Variants in COL4A2 observed in about 807,000 individuals in gnomAD.
COL4A2 encodes collagen type IV alpha 2 chain.
COL4A2 carries 99 observed loss-of-function variants against 200.2 expected under a neutral mutation model. The ratio of observed to expected loss-of-function variants is 0.49; its 90% CI spans 0.42 to 0.58. COL4A2 has a LOEUF of 0.58. COL4A2 is among the 20% of genes least tolerant of loss of function. The probability of loss-of-function intolerance (pLI) is 0.00; values close to 1 mark genes in which losing one functional copy is unlikely to be tolerated. For synonymous variants in COL4A2, 897 were observed against 900.6 expected, an observed-to-expected ratio of 1.00 and a Z score of 0.07; for missense variants, 1,950 against 2,314.1, an observed-to-expected ratio of 0.84 and a Z score of 3.23.
intron 4 of COL4A2, 66 bp downstream of exon 4, chr13:110,357,618 G>T (rs911904383): frequency 6.5e-7 from 1 of 1,545,424 alleles, no homozygotes; most frequent in Non-Finnish European, 8.8e-7. Context: ...CTTAACAACG[G>T]GGTACCTTCT....
At chr13:110,497,265 T>TC (rs1449484432) in intron 40 of COL4A2, among the ~76,000 whole-genome samples, 1 of 148,612 alleles carries the variant, frequency 6.7e-6, no homozygotes. Context: ...CAGCACAGCC[T>TC]CACTCAGGGG....
intron 3 of COL4A2, among the ~76,000 whole-genome samples, chr13:110,337,568 G>A (rs1219807277): frequency 6.6e-6 from 1 of 152,214 alleles, no homozygotes; most frequent in Non-Finnish European, 1.5e-5. Flanking sequence ...GGTTGCCTTG[G>A]GATTCACAAA....
At position 110,509,268 on chromosome 13, in the gene COL4A2, TATACACAC is replaced by T. The variant is rs1437683140; in HGVS notation, c.4881+1049_4881+1056del. ...AATTATATATATATATATATATATA[TATACACAC>T]ACACACACACACACACACACAACAT... On this transcript the variant is annotated intron_variant, in intron 47 of 47. Transcript: ENST00000360467. 1.6e-4 allele frequency among the ~76,000 whole-genome samples: 19 copies of T among 120,582 alleles called. No individual in the cohort carries two copies. The East Asian group carries it at 3.1e-3, about 20-fold the overall frequency. The allele number at this position is 120,582 out of a possible 152,430, so 79.1% of individuals were successfully genotyped here.
intron 45 of COL4A2, among the ~76,000 whole-genome samples, chr13:110,504,634 C>T (rs899385545): frequency 2.0e-5 from 3 of 152,154 alleles, no homozygotes; most frequent in Non-Finnish European, 2.9e-5. Flanking sequence ...GACAGAGTCT[C>T]GCTCTGTCTC....
At chr13:110,435,591 G>A (rs1044257771) in intron 12 of COL4A2, among the ~76,000 whole-genome samples, 2 of 152,122 alleles carry the variant, frequency 1.3e-5, no homozygotes, top group African/African-American at 4.8e-5. Flanking sequence ...TGATATCTGG[G>A]CTCAGACTTG....
intron 24 of COL4A2, among the ~76,000 whole-genome samples, chr13:110,463,915 A>G (rs1033223243): frequency 6.6e-6 from 1 of 152,174 alleles, no homozygotes; most frequent in South Asian, 2.1e-4. Context: ...TAAAAATCTC[A>G]TCTGGGAGGC....
At chr13:110,488,995 A>G (rs9559820) in intron 34 of COL4A2, among the ~76,000 whole-genome samples, 42,456 of 152,074 alleles carry the variant, frequency 0.28, 6,289 homozygotes, top group African/African-American at 0.38. Flanking sequence ...TTTGGGAAGC[A>G]GAGGAGAGAG....
intron 47 of COL4A2, among the ~76,000 whole-genome samples, chr13:110,509,270 TAC>T (rs60333796): frequency 0.1 from 11,734 of 115,220 alleles, 1,072 homozygotes; most frequent in African/African-American, 0.23. Context: ...TATATATATA[TAC>T]ACACACACAC....
chr13:110,503,607 A>G, intron 43 of COL4A2, 126 bp downstream of exon 43: 1 of 719,216 alleles, frequency 1.4e-6, no homozygotes, highest in Non-Finnish European at 2.3e-6. Flanking sequence ...AAGAGCAGGG[A>G]GGAAACCAAG....
Position 110,501,588 on chromosome 13 carries a change from T to C in COL4A2, c.3761-80T>C, listed in dbSNP as rs1365571006. ...TCGCTAGGCTCTGGTCCACCACAGG[T>C]GATGGTGTGGAGGGAAAATAGTAGA... On this transcript the variant is annotated intron_variant, in intron 40 of 47. Coordinates refer to ENST00000360467, the MANE Select transcript of COL4A2 (RefSeq NM_001846.4). 2.8e-5 allele frequency: 34 copies of C among 1,210,990 alleles called. 1 individual carries two copies. Among genetic ancestry groups the C allele is most frequent in the Non-Finnish European group, 4.0e-5 (33 of 820,778 alleles). 75.0% of individuals were successfully genotyped at this position (1,210,990 alleles called of 1,614,324 possible).
intron 4 of COL4A2, among the ~76,000 whole-genome samples, chr13:110,388,370 A>G (rs1361415088): frequency 1.3e-5 from 2 of 152,106 alleles, no homozygotes; most frequent in Non-Finnish European, 2.9e-5. Context: ...CACTACTTGA[A>G]AAGGGAAGGT....
Position 110,485,522 on chromosome 13 carries a change from CAAAAAAAAAAAAAAAA to C in COL4A2, c.3026-124_3026-109del, listed in dbSNP as rs34819988. ...TGGGCGACAGAGCGAGACTCCGTCT[CAAAAAAAAAAAAAAAA>C]AAAAAAAAGATTCACAGCACGTAGG... On this transcript the variant is annotated intron_variant, in intron 33 of 47. Transcript: ENST00000360467. The C allele has an allele frequency of 1.7e-5, 6 of 360,056 alleles. No individual in the cohort carries two copies. The African/African-American group carries it at 2.2e-4, about 13-fold the overall frequency. The allele number at this position is 360,056 out of a possible 1,614,324, so 22.3% of individuals were successfully genotyped here. A position where few individuals can be genotyped will look rare whatever the true frequency, so the allele number is the denominator to read the frequency against.
In COL4A2 at chr13:110,503,183, G is replaced by A; in HGVS notation, c.3940G>A (p.Gly1314Arg). The change falls in exon 42 of 48, where the codon GGG becomes AGG. Residue 1314 changes from glycine to arginine, a missense_variant. Physicochemically the swap from Gly to Arg is moderately radical, Grantham distance 125. Around this residue, in one of 2 missense-constraint regions of COL4A2, gnomAD observed 1,385 missense variants for 1,720.5 expected, o/e 0.80. Transcript: ENST00000360467. ...AALPGSKGDT[G>R]NPGAPGTPGT... ...TCTTCCTGGAAGCAAAGGTGACACA[G>A]GGAACCCAGGAGCTCCAGGAACCCC... 6.2e-7 allele frequency: 1 copy of A among 1,614,044 alleles called. No individual in the cohort carries two copies. Among genetic ancestry groups the A allele is most frequent in the Non-Finnish European group, 8.5e-7 (1 of 1,180,010 alleles).
chr13:110,423,685 C>T (rs1383238547), intron 4 of COL4A2, among the ~76,000 whole-genome samples: 6 of 152,138 alleles, frequency 3.9e-5, no homozygotes, highest in African/African-American at 9.7e-5. Flanking sequence ...CTTCCCAAAC[C>T]GAAGCTCTGT....
chr13:110,467,259 A>G (rs1464043399), intron 27 of COL4A2, among the ~76,000 whole-genome samples, 163 bp downstream of exon 27: 1 of 152,174 alleles, frequency 6.6e-6, no homozygotes, highest in Non-Finnish European at 1.5e-5. Context: ...CAGGGAGCCC[A>G]CTGTCATTTG....
At chr13:110,439,640 G>C in intron 15 of COL4A2, 149 bp from the exon 16 acceptor site, 1 of 1,288,528 alleles carries the variant, frequency 7.8e-7, no homozygotes, top group Non-Finnish European at 1.1e-6. Flanking sequence ...TTGGCAATTT[G>C]TTGCTATTCT....
chr13:110,314,922 G>A (rs1885092413), intron 3 of COL4A2, among the ~76,000 whole-genome samples: 1 of 152,216 alleles, frequency 6.6e-6, no homozygotes, highest in African/African-American at 2.4e-5. Flanking sequence ...AAAGGGACAG[G>A]CCATGGCAGT....
rs760014620 is a variant in COL4A2, at chr13:110,485,003, C to A, written c.3001C>A (p.Leu1001Met). 6.2e-7 allele frequency: 1 copy of A among 1,606,078 alleles called. No homozygotes were observed. Among genetic ancestry groups the A allele is most frequent in the Non-Finnish European group, 8.5e-7 (1 of 1,174,190 alleles). ...GEKGDEGPMG[L>M]KGYLGAKGIQ... The stretch of plus-strand genomic sequence containing the variant: ...GAAAGGAGATGAAGGGCCTATGGGG[C>A]TGAAAGGATACCTGGGCGCAAAAGG... The change falls in exon 33 of 48, where the codon CTG becomes ATG. Residue 1001 changes from leucine to methionine, a missense_variant. By Grantham distance (15) the Leu-to-Met change is conservative. Around this residue, in one of 2 missense-constraint regions of COL4A2, gnomAD observed 1,385 missense variants for 1,720.5 expected, o/e 0.80. Coordinates refer to ENST00000360467, the MANE Select transcript of COL4A2 (RefSeq NM_001846.4).
At chr13:110,475,282 G>T (rs75402567) in intron 29 of COL4A2, among the ~76,000 whole-genome samples, 1 of 152,320 alleles carries the variant, frequency 6.6e-6, no homozygotes, top group South Asian at 2.1e-4. Flanking sequence ...AGGACTCGGC[G>T]CTGAGAGGTG....
Sources: allele counts gnomAD v4.1 joint callset (sites outside exome capture counted in the v4.1 genomes callset), GRCh38; gene constraint gnomAD v4.1.1; regional missense constraint gnomAD v4.1.1; transcripts MANE v1.5; gene names NCBI Gene and HGNC (gene_info 2026-07-23, HGNC 2026-07-21).